SMARCA2: variants seen among roughly 807,000 people sequenced by gnomAD.
The protein encoded by SMARCA2 is SWI/SNF-related matrix-associated actin-dependent regulator of chromatin subfamily A member 2.
SMARCA2 carries 61 observed loss-of-function variants against 199.8 expected under a neutral mutation model. The observed-to-expected ratio is 0.31, with a 90% confidence interval of 0.25 to 0.38. The LOEUF (loss-of-function observed/expected upper bound fraction) is 0.38. Ranked by LOEUF, SMARCA2 falls within the 10% of genes least tolerant of loss-of-function variation. The pLI, the probability that SMARCA2 is intolerant of heterozygous loss-of-function variation, is 1.00. For synonymous variants in SMARCA2, 935 were observed against 732.0 expected (o/e 1.28, Z -4.48); for missense variants, 1,344 against 2,012.2 (o/e 0.67, Z 6.35).
At chr9:2,165,565 A>G (rs576993558) in intron 28 of SMARCA2, among the ~76,000 whole-genome samples, 3 of 152,300 alleles carry the variant, frequency 2.0e-5, no homozygotes, top group African/African-American at 7.2e-5. Flanking sequence ...AGAAAACTTT[A>G]TATCAAGTAG....
chr9:2,135,034 G>C (rs568667172), intron 27 of SMARCA2, among the ~76,000 whole-genome samples: 14 of 152,148 alleles, frequency 9.2e-5, no homozygotes, highest in Admixed American at 5.2e-4. Context: ...GCCTTGACTC[G>C]TGCAAGAAAT....
chr9:2,169,811 G>A lies in SMARCA2; in HGVS notation c.4200-608G>A, dbSNP rs1479238689. Among the ~76,000 whole-genome samples the A allele has an allele frequency of 3.3e-5, 5 of 152,254 alleles. No individual in the cohort carries two copies. The highest frequency in any genetic ancestry group is 2.1e-4 in the South Asian group (1 of 4,810). ...GGCTTTTCTAGAGGCTTGTAGAAGTGCCCAAGACGCCAGGTGGTGGTTTAT... is the reference window on the plus strand; with the variant it reads ...GGCTTTTCTAGAGGCTTGTAGAAGTACCCAAGACGCCAGGTGGTGGTTTAT... On this transcript the variant is annotated intron_variant, in intron 28 of 33. Coordinates refer to ENST00000349721, the MANE Select transcript of SMARCA2 (RefSeq NM_003070.5). This position sits in a 1 kb window ranked among gnomAD's most constrained non-coding sequence, Gnocchi z 6.5.
At chr9:2,179,756 T>C (rs1586802085) in intron 29 of SMARCA2, among the ~76,000 whole-genome samples, 1 of 152,288 alleles carries the variant, frequency 6.6e-6, no homozygotes, top group South Asian at 2.1e-4. Context: ...ACACCATCTG[T>C]TGGCAATGTA....
chr9:2,087,192 A>G, intron 18 of SMARCA2, 121 bp downstream of exon 18: 1 of 1,213,646 alleles, frequency 8.2e-7, no homozygotes, highest in African/African-American at 1.5e-5. Context: ...TGTTTATTTT[A>G]TGAAACCCAT....
intron 1 of SMARCA2, among the ~76,000 whole-genome samples, chr9:2,024,643 CT>C (rs544705809): frequency 9.2e-5 from 14 of 152,078 alleles, no homozygotes; most frequent in Non-Finnish European, 2.9e-5. Context: ...TGTTTCTGAC[CT>C]TTTTTTCTTT....
intron 1 of SMARCA2, among the ~76,000 whole-genome samples, chr9:2,028,100 T>G (rs1484562923): frequency 6.6e-6 from 1 of 151,276 alleles, no homozygotes; most frequent in African/African-American, 2.4e-5. Context: ...ACACCTCATC[T>G]GTGGTGAGCT....
chr9:2,183,477 G>A (rs75181026), intron 31 of SMARCA2, among the ~76,000 whole-genome samples: 5 of 152,234 alleles, frequency 3.3e-5, no homozygotes, highest in African/African-American at 1.2e-4. Flanking sequence ...CTTTTTTCCT[G>A]TCTGTATCTC....
In SMARCA2 at chr9:2,082,005, G is replaced by C; in HGVS notation, c.2348+10G>C. 6.2e-7 allele frequency: 1 copy of C among 1,610,624 alleles called. No homozygotes were observed. The highest frequency in any genetic ancestry group is 8.5e-7 in the Non-Finnish European group (1 of 1,178,100). On this transcript the variant is annotated intron_variant, in intron 15 of 33. Coordinates refer to ENST00000349721, the MANE Select transcript of SMARCA2 (RefSeq NM_003070.5). ...TCATTGTTCCCCTTTCGTAAGTAAA[G>C]TCATTTATTCCACAGTCATCGTTCT... is the stretch of plus-strand genomic sequence containing the variant.
rs2129642042 is a variant in SMARCA2, at chr9:2,161,977, T to TGTTAA, written c.4199+78_4199+82dup. 2 of 1,207,076 alleles carry TGTTAA rather than the reference T, an allele frequency of 1.7e-6. No homozygotes were observed. The highest frequency in any genetic ancestry group is 2.4e-6 in the Non-Finnish European group (2 of 840,930). The allele number at this position is 1,207,076 out of a possible 1,614,324, so 74.8% of individuals were successfully genotyped here. A position where few individuals can be genotyped will look rare whatever the true frequency, so the allele number is the denominator to read the frequency against. Reference sequence around the variant, plus strand: ...GTGGCGCTCCCTGAGGAGCAGGAGTTGTTAAGTTGTGCACTTAGGTTTTAT... The same window carrying TGTTAA: ...GTGGCGCTCCCTGAGGAGCAGGAGTTGTTAAGTTAAGTTGTGCACTTAGGTTTTAT... On this transcript the variant is annotated intron_variant, in intron 28 of 33. Transcript: ENST00000349721. The surrounding 1 kb of genome is among the most constrained non-coding windows in gnomAD (Gnocchi z 4.7).
At position 2,039,787 on chromosome 9, in the gene SMARCA2, A is replaced by AGCAGCAGCCGCAGCAGCC. The variant is rs1467912444; in HGVS notation, c.685_686insCGCAGCAGCCGCAGCAGC (p.Gln228_Gln229insProGlnGlnProGlnGln). On this transcript the variant is annotated inframe_insertion, in exon 4 of 34. Transcript: ENST00000349721. The surrounding 1 kb of genome is among the most constrained non-coding windows in gnomAD (Gnocchi z 4.8). ...CAACAGCAGCAGCAACAGCAGCAGC[A>AGCAGCAGCCGCAGCAGCC]GCAGCAGCAGCAGCAGCAGCAGCAG... 2 of 1,572,332 alleles carry AGCAGCAGCCGCAGCAGCC rather than the reference A, an allele frequency of 1.3e-6. No homozygotes were observed. Among genetic ancestry groups the AGCAGCAGCCGCAGCAGCC allele is most frequent in the African/African-American group, 1.4e-5 (1 of 73,510 alleles).
chr9:2,117,810 C>G (rs1050549435), intron 25 of SMARCA2, among the ~76,000 whole-genome samples: 1 of 152,210 alleles, frequency 6.6e-6, no homozygotes, highest in Non-Finnish European at 1.5e-5. Context: ...AGGCTCCTGT[C>G]CCTTCTTGGC....
intron 25 of SMARCA2, among the ~76,000 whole-genome samples, chr9:2,117,853 AG>A (rs1404390204): frequency 1.3e-5 from 2 of 152,130 alleles, no homozygotes; most frequent in African/African-American, 2.4e-5. Flanking sequence ...TGCCGTTTTC[AG>A]GGGGGCTTGT....
chr9:2,125,978 T>G (rs1450757631), intron 27 of SMARCA2, among the ~76,000 whole-genome samples: 2 of 152,234 alleles, frequency 1.3e-5, no homozygotes, highest in African/African-American at 2.4e-5. Flanking sequence ...TGTTTTGTTT[T>G]CTCTTTTTCA....
At chr9:2,114,041 C>T (rs1050224843) in intron 24 of SMARCA2, among the ~76,000 whole-genome samples, 4 of 152,186 alleles carry the variant, frequency 2.6e-5, no homozygotes, top group African/African-American at 9.7e-5. Context: ...ATTTTAGAGA[C>T]TGTTGGCCTC....
rs397978710 is a variant in SMARCA2, at chr9:2,109,140, A to G, written c.3293-1114A>G. 1.8e-4 allele frequency among the ~76,000 whole-genome samples: 27 copies of G among 152,196 alleles called. 1 individual carries two copies. The highest frequency in any genetic ancestry group is 6.5e-4 in the Admixed American group (10 of 15,278). The stretch of plus-strand genomic sequence containing the variant: ...TTAGCTATAGTCACTTAAATGTTTT[A>G]ATCCTCTGAAATAAATTGCTGGTAT... On this transcript the variant is annotated intron_variant, in intron 23 of 33. Transcript: ENST00000349721.
intron 1 of SMARCA2, among the ~76,000 whole-genome samples, chr9:2,025,938 T>G (rs1292335186): frequency 6.6e-6 from 1 of 152,104 alleles, no homozygotes; most frequent in Non-Finnish European, 1.5e-5. Context: ...GGAAGTCCAT[T>G]AATGGACTTT....
chr9:2,184,250 G>C (rs1827264857), intron 31 of SMARCA2, among the ~76,000 whole-genome samples: 1 of 151,932 alleles, frequency 6.6e-6, no homozygotes, highest in Admixed American at 6.6e-5. Context: ...TACTCTTTAA[G>C]ATCATTCGAG....
chr9:2,142,652 TAAG>T (rs1824520829), intron 27 of SMARCA2, among the ~76,000 whole-genome samples: 1 of 152,180 alleles, frequency 6.6e-6, no homozygotes, highest in Non-Finnish European at 1.5e-5. Flanking sequence ...AAAGCTAAAA[TAAG>T]AAGATTGTGT....
chr9:2,026,984 C>T (rs967481086), intron 1 of SMARCA2, among the ~76,000 whole-genome samples: 1 of 152,188 alleles, frequency 6.6e-6, no homozygotes, highest in East Asian at 1.9e-4. Context: ...TTCCCTTAGT[C>T]CTGTTTTGAT....
Sources: gnomAD v4.1 joint callset for allele counts (sites outside exome capture counted in the v4.1 genomes callset) on GRCh38, gnomAD v4.1.1 for gene constraint, Gnocchi (gnomAD v3.1) non-coding constraint, MANE v1.5 for transcripts, NCBI Gene and HGNC (gene_info 2026-07-23, HGNC 2026-07-21) for gene names.